FAAH2: variants seen among roughly 807,000 people sequenced by gnomAD.
The protein encoded by FAAH2 is fatty acid amide hydrolase 2.
In FAAH2, 60 loss-of-function variants were observed where a neutral mutation model predicts 36.9. That is an observed-to-expected ratio of 1.63 (90% CI 1.32 to 2.02). The LOEUF (loss-of-function observed/expected upper bound fraction) is 2.02, where lower values mean the gene tolerates loss of function less well. Ranked by LOEUF, FAAH2 falls within the 30% of genes most tolerant of loss-of-function variation. FAAH2 has a pLI of 0.00. For synonymous variants in FAAH2, 214 were observed against 143.8 expected (o/e 1.49, Z -3.49); for missense variants, 689 against 397.5 (o/e 1.73, Z -6.23).
intron 10 of FAAH2, among the ~76,000 whole-genome samples, chrX:57,475,216 A>G (rs2057244291): frequency 9.0e-6 from 1 of 111,196 alleles, no homozygotes; most frequent in African/African-American, 3.3e-5. Context: ...GCATTTGTCA[A>G]CTTCAGCTTT....
intron 7 of FAAH2, among the ~76,000 whole-genome samples, chrX:57,406,954 A>C (rs1411685004): frequency 8.9e-6 from 1 of 112,454 alleles, no homozygotes; most frequent in African/African-American, 3.2e-5. Context: ...GCAGGAGGTG[A>C]TCTCTCTACA....
chrX:57,421,859 A>G (rs2056039649), intron 7 of FAAH2, among the ~76,000 whole-genome samples: 1 of 111,817 alleles, frequency 8.9e-6, no homozygotes, highest in African/African-American at 3.3e-5. Flanking sequence ...TTTTCCCAAT[A>G]AGTCTAGAGT....
At chrX:57,418,591 C>T (rs930340501) in intron 7 of FAAH2, among the ~76,000 whole-genome samples, 15 of 110,736 alleles carry the variant, frequency 1.4e-4, no homozygotes, top group African/African-American at 4.0e-4. Flanking sequence ...TGAGATGAGC[C>T]GAGTACCTCG....
At chrX:57,161,547 T>C in the FAAH2 span, among the ~76,000 whole-genome samples, 3 of 111,832 alleles carry the variant, frequency 2.7e-5, no homozygotes, top group African/African-American at 9.8e-5. Context: ...GGTGTGCCTG[T>C]ATTGGGTGCA....
At chrX:57,196,116 G>T in the FAAH2 span, among the ~76,000 whole-genome samples, 3 of 111,776 alleles carry the variant, frequency 2.7e-5, no homozygotes, top group Admixed American at 2.8e-4. Context: ...TTTTAGCATA[G>T]TTTTTTCTAG....
At chrX:57,215,742 A>C in the FAAH2 span, among the ~76,000 whole-genome samples, 1 of 109,714 alleles carries the variant, frequency 9.1e-6, no homozygotes, top group Non-Finnish European at 1.9e-5. Flanking sequence ...ACATGTTCTC[A>C]TTCGTAAGTG....
intron 5 of FAAH2, among the ~76,000 whole-genome samples, chrX:57,368,903 A>G (rs1176706949): frequency 5.4e-5 from 6 of 110,560 alleles, no homozygotes; most frequent in Non-Finnish European, 1.1e-4. Context: ...TTTTTTTAAA[A>G]AGTAATTCAA....
chrX:57,387,648 C>T (rs1399808093), intron 7 of FAAH2, among the ~76,000 whole-genome samples: 1 of 111,229 alleles, frequency 9.0e-6, no homozygotes, highest in East Asian at 2.8e-4. Context: ...GGATAGATCC[C>T]ATAGCCTATA....
At chrX:57,359,575 A>G (rs984512607) in intron 5 of FAAH2, among the ~76,000 whole-genome samples, 1 of 111,925 alleles carries the variant, frequency 8.9e-6, no homozygotes, top group African/African-American at 3.2e-5. Flanking sequence ...ACCACATATG[A>G]AAACTTTATT....
At chrX:57,338,742 CAAAG>C (rs1266038492) in intron 4 of FAAH2, among the ~76,000 whole-genome samples, 1 of 110,370 alleles carries the variant, frequency 9.1e-6, no homozygotes, top group African/African-American at 3.3e-5. Context: ...ACAAACTACT[CAAAG>C]AAATCAGATA....
chrX:57,343,186 A>T (rs754976544), intron 5 of FAAH2, among the ~76,000 whole-genome samples: 6 of 111,765 alleles, frequency 5.4e-5, no homozygotes, highest in Non-Finnish European at 9.4e-5. Context: ...GTTATTTGAG[A>T]TATCTCCAAA....
chrX:57,385,829 A>G (rs950744961), intron 7 of FAAH2, among the ~76,000 whole-genome samples: 4 of 109,268 alleles, frequency 3.7e-5, no homozygotes, highest in Non-Finnish European at 7.6e-5. Context: ...AATGGCGTCA[A>G]CCCGGGAGGC....
At chrX:57,353,800 C>T (rs1038062730) in intron 5 of FAAH2, among the ~76,000 whole-genome samples, 5 of 109,706 alleles carry the variant, frequency 4.6e-5, no homozygotes, top group Non-Finnish European at 9.6e-5. Flanking sequence ...CATAAACAGA[C>T]ATTTTTCAAA....
the FAAH2 span, among the ~76,000 whole-genome samples, chrX:57,280,438 T>A: frequency 1.8e-5 from 2 of 111,072 alleles, no homozygotes; most frequent in African/African-American, 6.5e-5. Context: ...AATATATAGA[T>A]GTCATATAAG....
chrX:57,485,656 C>T (rs2057461034), intron 10 of FAAH2, among the ~76,000 whole-genome samples: 1 of 111,933 alleles, frequency 8.9e-6, no homozygotes, highest in African/African-American at 3.2e-5. Context: ...AACTACCTTA[C>T]CTTTCCTTAA....
chrX:57,152,918 C>CCT, the FAAH2 span, among the ~76,000 whole-genome samples: 1 of 110,390 alleles, frequency 9.1e-6, no homozygotes, highest in African/African-American at 3.4e-5. Flanking sequence ...GCTCCCCCCC[C>CCT]GCTGACCTCT....
chrX:57,144,756 G>A, the FAAH2 span, among the ~76,000 whole-genome samples: 4 of 110,620 alleles, frequency 3.6e-5, no homozygotes, highest in African/African-American at 1.3e-4. Flanking sequence ...CCACTTATGA[G>A]TGAGAACATA....
the FAAH2 span, among the ~76,000 whole-genome samples, chrX:57,180,546 A>G: frequency 9.0e-6 from 1 of 111,382 alleles, no homozygotes; most frequent in East Asian, 2.8e-4. Flanking sequence ...GACACATGCA[A>G]TCTCCCAAGG....
the FAAH2 span, among the ~76,000 whole-genome samples, chrX:57,222,584 A>G: frequency 9.0e-6 from 1 of 111,077 alleles, no homozygotes; most frequent in Non-Finnish European, 1.9e-5. Context: ...AGTTTATTCA[A>G]CCCATAACAT....
Sources: allele counts gnomAD v4.1 joint callset (sites outside exome capture counted in the v4.1 genomes callset), GRCh38; gene constraint gnomAD v4.1.1; transcripts MANE v1.5; gene names NCBI Gene and HGNC (gene_info 2026-07-23, HGNC 2026-07-21).